GAS2: variants seen among roughly 807,000 people sequenced by gnomAD.
The protein encoded by GAS2 is growth arrest specific 2.
GAS2 carries 20 observed loss-of-function variants against 37.5 expected under a neutral mutation model. The observed-to-expected ratio is 0.53, with a 90% CI of 0.37 to 0.77. GAS2 has a LOEUF of 0.77. Among genes scored for constraint, GAS2 ranks in the 30% least tolerant of loss-of-function variants. The pLI, the probability that GAS2 is intolerant of heterozygous loss-of-function variation, is 0.00. For synonymous variants in GAS2, 144 were observed against 132.2 expected, an observed-to-expected ratio of 1.09 and a Z score of -0.61; for missense variants, 336 against 373.4, an observed-to-expected ratio of 0.90 and a Z score of 0.82.
chr11:22,678,382 G>A (rs1235583989), intron 2 of GAS2, among the ~76,000 whole-genome samples: 3 of 152,050 alleles, frequency 2.0e-5, no homozygotes, highest in Non-Finnish European at 2.9e-5. Context: ...ATTATTGGCT[G>A]TTTTGTCACT....
intron 4 of GAS2, among the ~76,000 whole-genome samples, chr11:22,735,785 C>T (rs1199107955): frequency 6.6e-6 from 1 of 151,806 alleles, no homozygotes; most frequent in Non-Finnish European, 1.5e-5. Context: ...CACATTGACA[C>T]AATTTAGTCA....
At chr11:22,797,821 A>C (rs1856501301) in intron 7 of GAS2, among the ~76,000 whole-genome samples, 1 of 152,112 alleles carries the variant, frequency 6.6e-6, no homozygotes, top group Non-Finnish European at 1.5e-5. Flanking sequence ...GCTCAGATTC[A>C]TAAATTGTTC....
At chr11:22,636,023 C>G (rs1367134028) in intron 1 of GAS2, among the ~76,000 whole-genome samples, 2 of 152,180 alleles carry the variant, frequency 1.3e-5, no homozygotes, top group Non-Finnish European at 2.9e-5. Context: ...TCTCCCCACT[C>G]ACACTCTGGG....
At chr11:22,740,298 G>A (rs1027145804) in intron 5 of GAS2, among the ~76,000 whole-genome samples, 2 of 152,094 alleles carry the variant, frequency 1.3e-5, no homozygotes, top group African/African-American at 4.8e-5. Context: ...CACGCAACCT[G>A]ATAAAAGCAG....
intron 7 of GAS2, among the ~76,000 whole-genome samples, chr11:22,784,308 A>G (rs1855720741): frequency 6.6e-6 from 1 of 152,136 alleles, no homozygotes. Context: ...GATATCATTT[A>G]AGGGTTCTGT....
At chr11:22,627,099 T>A (rs1033145432) in intron 1 of GAS2, among the ~76,000 whole-genome samples, 6 of 152,182 alleles carry the variant, frequency 3.9e-5, no homozygotes, top group Non-Finnish European at 7.3e-5. Context: ...GGCTATTATT[T>A]GATTTTTATT....
chr11:22,763,711 T>C lies in GAS2; in HGVS notation c.723+7758T>C, dbSNP rs182328693. Among the ~76,000 whole-genome samples the C allele has an allele frequency of 4.4e-4, 67 of 152,226 alleles. No individual in the cohort carries two copies. In the Middle Eastern group the frequency reaches 0.014, roughly 31 times the overall value. The stretch of plus-strand genomic sequence containing the variant: ...AATAGTGGATGCCATTTTAAAATTA[T>C]ATTAATGCCTAGATTTGTTTCTAGG... On this transcript the variant is annotated intron_variant, in intron 7 of 7. Coordinates refer to ENST00000454584, the MANE Select transcript of GAS2 (RefSeq NM_001143830.3).
intron 3 of GAS2, among the ~76,000 whole-genome samples, chr11:22,691,988 T>G (rs994370992): frequency 1.3e-5 from 2 of 152,162 alleles, no homozygotes; most frequent in Non-Finnish European, 2.9e-5. Flanking sequence ...CACTGAGAGT[T>G]TCTGTTCTAT....
chr11:22,745,342 C>T (rs186780981), intron 5 of GAS2, among the ~76,000 whole-genome samples: 1 of 152,034 alleles, frequency 6.6e-6, no homozygotes, highest in African/African-American at 2.4e-5. Context: ...GACAACATTA[C>T]CAAAAATAAG....
In GAS2 at chr11:22,675,035, T is replaced by A. The variant is rs754777141; in HGVS notation, c.145+21T>A. On this transcript the variant is annotated intron_variant, in intron 2 of 7. Transcript: ENST00000454584. Reference sequence around the variant, plus strand: ...ATTAGGTAAGGTTATAAGATCTCATTTTGTGAGCAAAGACAACAGTTTTTG... The same window carrying A: ...ATTAGGTAAGGTTATAAGATCTCATATTGTGAGCAAAGACAACAGTTTTTG... 1.9e-6 allele frequency: 3 copies of A among 1,609,532 alleles called. No individual in the cohort carries two copies. The East Asian group carries it at 6.7e-5, about 36-fold the overall frequency.
At chr11:22,745,118 C>CAAAAAAAAAA (rs142582542) in intron 5 of GAS2, among the ~76,000 whole-genome samples, 6 of 129,002 alleles carry the variant, frequency 4.7e-5, no homozygotes, top group East Asian at 2.2e-4. Context: ...CATTTGGAAC[C>CAAAAAAAAAA]AAAAAAAAAA....
chr11:22,811,833 A>AG lies in GAS2; in HGVS notation c.761dup (p.Gly255ArgfsTer44). ...ACAAACATGTCATGGTCCGTGTGGGAGGAGGCTGGGAAACTTTTGCAGGGT... is the reference window on the plus strand; with the variant it reads ...ACAAACATGTCATGGTCCGTGTGGGAGGGAGGCTGGGAAACTTTTGCAGGGT... On this transcript the variant is annotated frameshift_variant, in exon 8 of 8. Transcript: ENST00000454584. LOFTEE classifies it high-confidence loss of function. 6.2e-7 allele frequency: 1 copy of AG among 1,614,072 alleles called. No homozygotes were observed. Among genetic ancestry groups the AG allele is most frequent in the Non-Finnish European group, 8.5e-7 (1 of 1,179,978 alleles).
intron 2 of GAS2, 90 bp downstream of exon 2, chr11:22,675,104 A>G (rs1404019384): frequency 4.8e-6 from 6 of 1,251,860 alleles, no homozygotes. Flanking sequence ...AGCATGTGAT[A>G]GCACCTTGGA....
At chr11:22,773,604 C>T (rs1855103597) in intron 7 of GAS2, among the ~76,000 whole-genome samples, 1 of 151,780 alleles carries the variant, frequency 6.6e-6, no homozygotes, top group South Asian at 2.1e-4. Flanking sequence ...CGTGTCACAC[C>T]TCAGTCTTAA....
intron 1 of GAS2, among the ~76,000 whole-genome samples, chr11:22,637,417 ATAT>A (rs1199960958): frequency 2.0e-4 from 11 of 56,398 alleles, no homozygotes; most frequent in Admixed American, 3.1e-4. Context: ...ACTTAATATA[ATAT>A]TAATTATATT....
chr11:22,723,050 G>T (rs1433099887), intron 3 of GAS2, among the ~76,000 whole-genome samples: 1 of 151,690 alleles, frequency 6.6e-6, no homozygotes, highest in Non-Finnish European at 1.5e-5. Flanking sequence ...GACTTGATAG[G>T]ACTAATGAGT....
intron 1 of GAS2, among the ~76,000 whole-genome samples, chr11:22,660,299 A>T (rs1848902267): frequency 6.6e-6 from 1 of 152,202 alleles, no homozygotes; most frequent in Non-Finnish European, 1.5e-5. Flanking sequence ...GAAGGGATGT[A>T]TAAGATTCTC....
intron 7 of GAS2, among the ~76,000 whole-genome samples, chr11:22,772,363 C>T (rs1298279663): frequency 6.6e-6 from 1 of 152,106 alleles, no homozygotes; most frequent in East Asian, 1.9e-4. Context: ...ATGAGTACCT[C>T]TGTTATTTTC....
chr11:22,801,195 G>T (rs146416421), intron 7 of GAS2, among the ~76,000 whole-genome samples: 1 of 151,752 alleles, frequency 6.6e-6, no homozygotes, highest in East Asian at 1.9e-4. Flanking sequence ...TAAGAGACAG[G>T]GGAAAAAAAA....
Sources: gnomAD v4.1 joint callset for allele counts (sites outside exome capture counted in the v4.1 genomes callset) on GRCh38, gnomAD v4.1.1 for gene constraint, MANE v1.5 for transcripts, NCBI Gene and HGNC (gene_info 2026-07-23, HGNC 2026-07-21) for gene names.